The following IREB2 variants were observed in gnomAD, a reference collection of about 807,000 sequenced individuals.
IREB2 encodes iron responsive element binding protein 2, also known as iron-responsive element-binding protein 2.
In IREB2, 39 loss-of-function variants were observed where a neutral mutation model predicts 118.8. That is an observed-to-expected ratio of 0.33 (90% CI 0.25 to 0.43). The LOEUF (loss-of-function observed/expected upper bound fraction) is 0.43. Among genes scored for constraint, IREB2 ranks in the 20% least tolerant of loss-of-function variants. The probability of loss-of-function intolerance (pLI) is 1.00; values close to 1 mark genes in which losing one functional copy is unlikely to be tolerated. For synonymous variants in IREB2, 372 were observed against 392.2 expected (o/e 0.95, Z 0.61); for missense variants, 900 against 1,147.3 (o/e 0.78, Z 3.11).
intron 1 of IREB2, chr15:78,438,586 C>A (rs760530740): frequency 8.1e-4 from 456 of 563,474 alleles, no homozygotes; most frequent in Non-Finnish European, 1.4e-3. Context: ...GCGGGCCACC[C>A]CACCGCTGGC....
intron 1 of IREB2, chr15:78,438,778 T>TCTAGC: frequency 4.0e-6 from 1 of 248,832 alleles, no homozygotes; most frequent in Non-Finnish European, 8.0e-6. Context: ...TAGATGTTGA[T>TCTAGC]TCCACGGTCC....
chr15:78,467,036 G>A (rs1246521001), intron 5 of IREB2, among the ~76,000 whole-genome samples: 1 of 151,666 alleles, frequency 6.6e-6, no homozygotes, highest in Non-Finnish European at 1.5e-5. Context: ...GGGCAGCACT[G>A]GTGAAACCCT....
At chr15:78,482,430 A>C (rs2051590250) in intron 10 of IREB2, among the ~76,000 whole-genome samples, 2 of 152,218 alleles carry the variant, frequency 1.3e-5, no homozygotes, top group Admixed American at 1.3e-4. Context: ...TTAACAAAAA[A>C]TACGTTTCTT....
chr15:78,438,041 C>A (rs1217797213), upstream of IREB2: 2 of 479,120 alleles, frequency 4.2e-6, no homozygotes, highest in Admixed American at 7.0e-5. Context: ...GGAGCCTCCC[C>A]AGCGCTCCGC....
At chr15:78,480,767 T>TG (rs1020187170) in intron 10 of IREB2, among the ~76,000 whole-genome samples, 5 of 149,624 alleles carry the variant, frequency 3.3e-5, no homozygotes, top group African/African-American at 1.2e-4. Context: ...GCCCGCACTT[T>TG]GGGAGGCCGA....
At chr15:78,449,931 C>T (rs1289217558) in intron 2 of IREB2, among the ~76,000 whole-genome samples, 1 of 152,138 alleles carries the variant, frequency 6.6e-6, no homozygotes, top group Non-Finnish European at 1.5e-5. Flanking sequence ...GTTTAAATTA[C>T]CATCATCCCA....
At chr15:78,466,197 G>A (rs574696211) in intron 4 of IREB2, 74 bp from the exon 5 acceptor site, 77 of 923,858 alleles carry the variant, frequency 8.3e-5, no homozygotes, top group Non-Finnish European at 1.0e-4. Flanking sequence ...CGTTGCTAAT[G>A]TGCGTTTTTT....
intron 13 of IREB2, among the ~76,000 whole-genome samples, chr15:78,486,560 G>A (rs1335471095): frequency 2.6e-5 from 4 of 152,012 alleles, no homozygotes; most frequent in African/African-American, 9.7e-5. Flanking sequence ...AACCCAGATC[G>A]TGCCGCTGCA....
At chr15:78,459,053 A>C (rs552377132) in intron 2 of IREB2, among the ~76,000 whole-genome samples, 1 of 152,098 alleles carries the variant, frequency 6.6e-6, no homozygotes, top group African/African-American at 2.4e-5. Flanking sequence ...CCCCCTCCCA[A>C]AGTGCGGGGA....
intron 2 of IREB2, among the ~76,000 whole-genome samples, chr15:78,460,412 GTTTT>G (rs892073074): frequency 6.6e-6 from 1 of 152,112 alleles, no homozygotes; most frequent in African/African-American, 2.4e-5. Flanking sequence ...TCAATGAAAG[GTTTT>G]TTAAGAGTCA....
At chr15:78,495,355 T>A (rs1476374210) in intron 20 of IREB2, among the ~76,000 whole-genome samples, 7 of 152,200 alleles carry the variant, frequency 4.6e-5, no homozygotes, top group Non-Finnish European at 1.0e-4. Flanking sequence ...TTGTTTTTGA[T>A]GTTGGAAGCT....
chr15:78,495,131 T>C (rs183796752), intron 20 of IREB2, among the ~76,000 whole-genome samples: 1 of 152,312 alleles, frequency 6.6e-6, no homozygotes, highest in African/African-American at 2.4e-5. Context: ...TGCTTCTCTT[T>C]ACAATTGTAG....
At chr15:78,456,714 TTATTTGA>T (rs2051111837) in intron 2 of IREB2, among the ~76,000 whole-genome samples, 1 of 152,148 alleles carries the variant, frequency 6.6e-6, no homozygotes. Flanking sequence ...CGTAGCACTC[TTATTTGA>T]TAATTGCTTT....
rs114923995 is a variant in IREB2 at position 78,480,776 on chromosome 15, G to A, written c.1296+2379G>A. ...TGGGAGGCCCGCACTTTGGGAGGCC[G>A]AAACAGGCAAATCATGAGGTCAGGA... On this transcript the variant is annotated intron_variant, in intron 10 of 21. Transcript: ENST00000258886. Among the ~76,000 whole-genome samples the A allele has an allele frequency of 7.9e-3, 1,190 of 151,252 alleles. 20 individuals are homozygous for A. The highest frequency in any genetic ancestry group is 0.026 in the African/African-American group (1,055 of 41,200).
intron 2 of IREB2, among the ~76,000 whole-genome samples, chr15:78,449,132 C>G (rs1256061860): frequency 6.6e-6 from 1 of 152,176 alleles, no homozygotes; most frequent in African/African-American, 2.4e-5. Context: ...TAGTCTTAAA[C>G]TCATATCTTC....
In IREB2 at chr15:78,490,700, A is replaced by G. The variant is rs1326452082; in HGVS notation, c.2263A>G (p.Ile755Val). The change falls in exon 18 of 22, where the codon ATA (isoleucine) becomes GTA (valine). Residue 755 changes from isoleucine to valine, a missense_variant. Physicochemically the swap from Ile to Val is conservative, Grantham distance 29. Coordinates refer to ENST00000258886, the MANE Select transcript of IREB2 (RefSeq NM_004136.4). ...GGGAGACTCTGTCACAACAGATCAT[A>G]TATCACCTGCAGGAAGTATCGCTAG... is the stretch of plus-strand genomic sequence containing the variant. ...YLGDSVTTDH[I>V]SPAGSIARNS... 9.3e-6 allele frequency: 15 copies of G among 1,613,972 alleles called. No homozygotes were observed. Among genetic ancestry groups the G allele is most frequent in the Admixed American group, 3.3e-5 (2 of 60,004 alleles).
chr15:78,442,039 T>C (rs1286465435), intron 2 of IREB2, among the ~76,000 whole-genome samples: 2 of 152,074 alleles, frequency 1.3e-5, no homozygotes, highest in Admixed American at 6.6e-5. Context: ...CCCAAGTAGC[T>C]GGTACTATAG....
At chr15:78,494,288 T>C (rs1357681365) in intron 20 of IREB2, 24 bp downstream of exon 20, 2 of 1,603,438 alleles carry the variant, frequency 1.2e-6, no homozygotes, top group Admixed American at 3.5e-5. Flanking sequence ...AAATTTATCA[T>C]CTTAAGCTTC....
At chr15:78,439,680 T>C in intron 1 of IREB2, 115 bp from the exon 2 acceptor site, 1 of 636,910 alleles carries the variant, frequency 1.6e-6, no homozygotes, top group Non-Finnish European at 2.7e-6. Flanking sequence ...AGCTCAAACA[T>C]AGAATATTTT....
Sources: allele counts gnomAD v4.1 joint callset (sites outside exome capture counted in the v4.1 genomes callset), GRCh38; gene constraint gnomAD v4.1.1; transcripts MANE v1.5; gene names NCBI Gene and HGNC (gene_info 2026-07-23, HGNC 2026-07-21).